The following PLEC variants were observed in gnomAD, a reference collection of about 807,000 sequenced individuals.
PLEC encodes the protein hemidesmosomal protein 1.
A neutral mutation model predicts 392.8 loss-of-function variants in PLEC; 216 were observed. The ratio of observed to expected loss-of-function variants is 0.55; its 90% CI spans 0.49 to 0.62. The LOEUF (loss-of-function observed/expected upper bound fraction) is 0.62. Among genes scored for constraint, PLEC ranks in the 20% least tolerant of loss-of-function variants. The probability of loss-of-function intolerance (pLI) is 0.00; values close to 1 mark genes in which losing one functional copy is unlikely to be tolerated. For synonymous variants in PLEC, 3,621 were observed against 2,980.6 expected (o/e 1.21, Z -7.00); for missense variants, 6,863 against 6,563.4 (o/e 1.05, Z -1.58).
In PLEC at chr8:143,930,425, G is replaced by A. The variant is rs372400636; in HGVS notation, c.2416C>T (p.Arg806Cys). The A allele has an allele frequency of 5.7e-5, 89 of 1,572,232 alleles. No homozygotes were observed. The highest frequency in any genetic ancestry group is 2.2e-5 in the Non-Finnish European group (25 of 1,160,342). ...PRHPAHPMRGRLPLLAVCDYK... is the reference protein window; with the variant it reads ...PRHPAHPMRGCLPLLAVCDYK... ...TCGCACACGGCCAGCAGGGGCAGGCGGCCCCGCATGGGGTGGGCTGGGTGG... is the reference window on the plus strand; with the variant it reads ...TCGCACACGGCCAGCAGGGGCAGGCAGCCCCGCATGGGGTGGGCTGGGTGG... The change falls in exon 20 of 32, where the codon CGC (arginine) becomes TGC (cysteine). Residue 806 changes from arginine (R) to cysteine (C), a missense_variant. By Grantham distance (180) the Arg-to-Cys change is radical (BLOSUM62 -3). Transcript: ENST00000345136.
In PLEC at chr8:143,929,731, G is replaced by T. The variant is rs782650102; in HGVS notation, c.2838C>A (p.Phe946Leu). 6.3e-7 allele frequency: 1 copy of T among 1,599,350 alleles called. No individual in the cohort carries two copies. The highest frequency in any genetic ancestry group is 1.1e-5 in the South Asian group (1 of 90,808). ...FLRDSQDAGGFGPEDRLMAER... is the reference protein window; with the variant it reads ...FLRDSQDAGGLGPEDRLMAER... ...CAGCCATCAGCCGGTCCTCGGGTCC[G>T]AAGCCGCCCGCGTCCTGGCTGTCCC... is the stretch of plus-strand genomic sequence containing the variant. The change falls in exon 23 of 32, where the codon TTC (phenylalanine) becomes TTA (leucine). Residue 946 changes from phenylalanine to leucine, a missense_variant. Phe to Leu is a conservative substitution (Grantham distance 22, BLOSUM62 0). Transcript: ENST00000345136.
rs781990324 is a variant in PLEC at position 143,920,978 on chromosome 8, C to A, written c.8843G>T (p.Gly2948Val). ...GATGATCTTCTCCACTGTGATCCGG[C>A]CCGTGCGGAACTGCCGCAGCAGGTC... ...RRDLLRQFRTGRITVEKIIKI... is the reference protein window; with the variant it reads ...RRDLLRQFRTVRITVEKIIKI... Residue 2948 changes from glycine to valine, a missense_variant, in exon 32 of 32, where the codon GGC becomes GTC. Gly to Val is a moderately radical substitution (Grantham distance 109, BLOSUM62 -3). Transcript: ENST00000345136. The A allele has an allele frequency of 6.2e-7, 1 of 1,613,042 alleles. No individual in the cohort carries two copies. The highest frequency in any genetic ancestry group is 1.3e-5 in the African/African-American group (1 of 74,940).
upstream of PLEC, among the ~76,000 whole-genome samples, chr8:143,953,432 G>GTGTCCC (rs1832398159): frequency 6.6e-6 from 1 of 151,574 alleles, no homozygotes; most frequent in African/African-American, 2.4e-5. Context: ...AGCTCCCACT[G>GTGTCCC]TGTCCCTGTC....
chr8:143,964,715 C>T (rs1833006339), intron 1 of PLEC, among the ~76,000 whole-genome samples: 1 of 152,188 alleles, frequency 6.6e-6, no homozygotes, highest in Non-Finnish European at 1.5e-5. Flanking sequence ...ATTCTGTAAA[C>T]AACCATGCAT....
chr8:143,918,466 G>A lies in PLEC; in HGVS notation c.11355C>T (p.Ala3785=), dbSNP rs886044856. The A allele has an allele frequency of 1.8e-5, 29 of 1,592,646 alleles. No individual in the cohort carries two copies. The highest frequency in any genetic ancestry group is 2.5e-5 in the Non-Finnish European group (29 of 1,171,260). The change falls in exon 32 of 32, where the codon GCC becomes GCT. Residue 3785 remains alanine, a synonymous_variant. Transcript: ENST00000345136. ...CAGTAGGGATCAGCTCCTTCTTCAT[G>A]GCCTGGAAGAGCGAGATGGTCTGCT... ...YTEQTISLFQ[A]MKKELIPTEE...
In PLEC at chr8:143,917,536, C is replaced by G. The variant is rs200145450; in HGVS notation, c.12285G>C (p.Thr4095=). 2 of 1,613,922 alleles carry G rather than the reference C, an allele frequency of 1.2e-6. No individual in the cohort carries two copies. Among genetic ancestry groups the G allele is most frequent in the East Asian group, 4.5e-5 (2 of 44,884 alleles). ...GCTGCAGGTAGGTGAGGTTCTCCTC[C>G]GTGTTAGGGTCAAAGAAGCCCTTGG... ...DDTKGFFDPN[T]EENLTYLQLM... is the part of the protein sequence containing the mutation. The change falls in exon 32 of 32, where the codon ACG becomes ACC. Residue 4095 remains threonine (T), a synonymous_variant. Transcript: ENST00000345136.
Position 143,920,826 on chromosome 8 carries a change from G to C in PLEC, c.8995C>G (p.Gln2999Glu). The change falls in exon 32 of 32, where the codon CAG becomes GAG. Residue 2999 changes from glutamine to glutamate, a missense_variant. Transcript: ENST00000345136. Reference protein sequence around the residue: ...SRVIDRELYQQLQRGERSVRD... With the variant: ...SRVIDRELYQELQRGERSVRD... The stretch of plus-strand genomic sequence containing the variant: ...ACAGAGCGCTCACCTCGCTGCAGCT[G>C]CTGGTAGAGCTCGCGGTCGATGACC... 1.9e-6 allele frequency: 3 copies of C among 1,608,614 alleles called. No homozygotes were observed. Among genetic ancestry groups the C allele is most frequent in the Non-Finnish European group, 1.7e-6 (2 of 1,179,928 alleles).
At position 143,921,412 on chromosome 8, in the gene PLEC, G is replaced by A. The variant is rs781926941; in HGVS notation, c.8409C>T (p.Ile2803=). ...QKGLIVREHG[I]RLLEAQIATG... is the part of the protein sequence containing the mutation. ...TGGCGATCTGGGCCTCCAGCAGGCG[G>A]ATGCCGTGCTCCCGGACGATGAGGC... The change falls in exon 32 of 32, where the codon ATC becomes ATT. Residue 2803 remains isoleucine, a synonymous_variant. Transcript: ENST00000345136. 1 of 1,613,346 alleles carries A rather than the reference G, an allele frequency of 6.2e-7. No individual in the cohort carries two copies. The highest frequency in any genetic ancestry group is 1.1e-5 in the South Asian group (1 of 91,052).
Position 143,927,261 on chromosome 8 carries a change from G to A in PLEC, c.3831C>T (p.Asn1277=), listed in dbSNP as rs202217053. ...GGCGGCTGGGCCTCACCTTGATGGC[G>A]TTGATGTACTGTTTCGCAAACCTCT... The part of the protein sequence containing the change: ...ECQRFAKQYI[N]AIKDYELQLV... The change falls in exon 28 of 32, where the codon AAC becomes AAT. Residue 1277 remains asparagine (N), a synonymous_variant. Transcript: ENST00000345136. The A allele has an allele frequency of 5.0e-5, 80 of 1,613,092 alleles. No individual in the cohort carries two copies. In the African/African-American group the frequency reaches 8.0e-4, roughly 16 times the overall value.
At chr8:143,938,479 A>G in intron 2 of PLEC, 152 bp downstream of exon 2, 1 of 1,548,472 alleles carries the variant, frequency 6.5e-7, no homozygotes, top group Admixed American at 1.8e-5. Context: ...GAGCAGGCGT[A>G]GGGAAGAAAG....
In PLEC at chr8:143,925,361, G is replaced by C; in HGVS notation, c.4568C>G (p.Ala1523Gly). 1 of 1,555,918 alleles carries C rather than the reference G, an allele frequency of 6.4e-7. No homozygotes were observed. The highest frequency in any genetic ancestry group is 1.2e-5 in the South Asian group (1 of 86,554). Residue 1523 changes from alanine (A) to glycine (G), a missense_variant, in exon 31 of 32, where the codon GCC becomes GGC. Physicochemically the swap from Ala to Gly is moderately conservative, Grantham distance 60. Coordinates refer to ENST00000345136, the MANE Select transcript of PLEC (RefSeq NM_201384.3). ...AEVELASRVK[A>G]EAEAAREKQR... ...CTTCTCGCGCGCCGCCTCGGCCTCG[G>C]CCTTCACGCGCGAGGCCAGCTCCAC...
chr8:143,919,948 G>C lies in PLEC; in HGVS notation c.9873C>G (p.Ile3291Met). Residue 3291 changes from isoleucine (I) to methionine (M), a missense_variant, in exon 32 of 32, where the codon ATC becomes ATG. Coordinates refer to ENST00000345136, the MANE Select transcript of PLEC (RefSeq NM_201384.3). The part of the protein sequence containing the change: ...VEKVIKILIT[I>M]VEEVETLRQE... ...GCCGCAGGGTCTCCACCTCCTCCAC[G>C]ATGGTAATGAGAATCTTGATGACCT... The C allele has an allele frequency of 6.2e-7, 1 of 1,613,404 alleles. No individual in the cohort carries two copies. The highest frequency in any genetic ancestry group is 8.5e-7 in the Non-Finnish European group (1 of 1,180,028).
chr8:143,934,430 C>G lies in PLEC; in HGVS notation c.1057G>C (p.Gly353Arg). The G allele has an allele frequency of 1.9e-6, 3 of 1,611,778 alleles. No individual in the cohort carries two copies. The highest frequency in any genetic ancestry group is 2.5e-6 in the Non-Finnish European group (3 of 1,179,904). ...YQSLEGAVQA[G>R]QLKVPPGYHP... ...TAGCCAGGGGGCACCTTGAGCTGGC[C>G]TGCTTGCACCGCTCCCTGTAGACAG... The change falls in exon 11 of 32, where the codon GGC becomes CGC. Residue 353 changes from glycine (G) to arginine (R), a missense_variant. Coordinates refer to ENST00000345136, the MANE Select transcript of PLEC (RefSeq NM_201384.3).
Position 143,935,277 on chromosome 8 carries a change from C to T in PLEC, c.639G>A (p.Gln213=), listed in dbSNP as rs1554722202. 6.2e-7 allele frequency: 1 copy of T among 1,609,908 alleles called. No homozygotes were observed. Among genetic ancestry groups the T allele is most frequent in the Non-Finnish European group, 8.5e-7 (1 of 1,179,918 alleles). ...CCTGGTCCAGGTTCTCCAGGTTGGT[C>T]TGCCGGTACACCTTGTTCATGTCGA... ...LLIDMNKVYR[Q]TNLENLDQAF... Residue 213 remains glutamine, a synonymous_variant, in exon 7 of 32, where the codon CAG becomes CAA. Transcript: ENST00000345136.
In PLEC at chr8:143,934,849, A is replaced by G; in HGVS notation, c.906T>C (p.Phe302=). Residue 302 remains phenylalanine, a synonymous_variant, in exon 9 of 32, where the codon TTT becomes TTC. Coordinates refer to ENST00000345136, the MANE Select transcript of PLEC (RefSeq NM_201384.3). ...AGCTGGAGGGGAACCTGCGTTCCTCAAAGGCGGCCGTGTGGTGTCGCATCC... is the reference window on the plus strand; with the variant it reads ...AGCTGGAGGGGAACCTGCGTTCCTCGAAGGCGGCCGTGTGGTGTCGCATCC... ...LQWMRHHTAA[F]EERRFPSSFE... The G allele has an allele frequency of 6.2e-7, 1 of 1,611,508 alleles. No homozygotes were observed. The highest frequency in any genetic ancestry group is 1.3e-5 in the African/African-American group (1 of 75,036).
At chr8:143,970,128 C>T (rs566622013) in intron 1 of PLEC, among the ~76,000 whole-genome samples, 8 of 152,156 alleles carry the variant, frequency 5.3e-5, no homozygotes, top group Admixed American at 4.6e-4. Flanking sequence ...CTGGCACTGG[C>T]CCCAGGCCCT....
At position 143,932,448 on chromosome 8, in the gene PLEC, G is replaced by A. The variant is rs782566389; in HGVS notation, c.1929C>T (p.Asp643=). The A allele has an allele frequency of 6.2e-6, 10 of 1,612,844 alleles. No homozygotes were observed. In the South Asian group the frequency reaches 8.8e-5, roughly 14 times the overall value. The change falls in exon 16 of 32, where the codon GAC becomes GAT. Residue 643 remains aspartate, a synonymous_variant. Coordinates refer to ENST00000345136, the MANE Select transcript of PLEC (RefSeq NM_201384.3). ...TCATGTTGGTGTTGCGGTCGCTCCA[G>A]TCGAAGCCCACCTCCTCCTCCTCCT... ...NEKEEEEVGF[D]WSDRNTNMTA...
chr8:143,922,427 C>G, intron 31 of PLEC, 32 bp from the exon 32 acceptor site: 1 of 1,600,560 alleles, frequency 6.2e-7, no homozygotes, highest in Non-Finnish European at 8.5e-7. Flanking sequence ...TCAGGGACCG[C>G]CAGCCCAGGA....
chr8:143,950,553 T>C, exon 1 of PLEC: 1 of 1,608,408 alleles, frequency 6.2e-7, no homozygotes, highest in African/African-American at 1.3e-5. Context: ...AGGGACGCCA[T>C]GGCACGCATG....
Sources: gnomAD v4.1 joint callset for allele counts (sites outside exome capture counted in the v4.1 genomes callset) on GRCh38, gnomAD v4.1.1 for gene constraint, MANE v1.5 for transcripts, NCBI Gene and HGNC (gene_info 2026-07-23, HGNC 2026-07-21) for gene names.